ST8SIA4: variants seen among roughly 807,000 people sequenced by gnomAD.
ST8SIA4 encodes the protein CMP-N-acetylneuraminate-poly-alpha-2,8-sialyltransferase.
A neutral mutation model predicts 33.9 loss-of-function variants in ST8SIA4; 15 were observed. The ratio of observed to expected loss-of-function variants is 0.44; its 90% CI spans 0.30 to 0.68. The LOEUF is 0.68. ST8SIA4 is among the 30% of genes least tolerant of loss of function. ST8SIA4 has a pLI of 0.10. For synonymous variants in ST8SIA4, 171 were observed against 151.2 expected (o/e 1.13, Z -0.96); for missense variants, 321 against 428.0 (o/e 0.75, Z 2.21).
chr5:100,814,328 G>C (rs1256342711), intron 4 of ST8SIA4, among the ~76,000 whole-genome samples: 1 of 151,680 alleles, frequency 6.6e-6, no homozygotes, highest in African/African-American at 2.4e-5. Flanking sequence ...AACTTTTTGT[G>C]GTCTTGTTCT....
chr5:100,882,485 A>C (rs1364161965), intron 3 of ST8SIA4, among the ~76,000 whole-genome samples: 1 of 152,238 alleles, frequency 6.6e-6, no homozygotes, highest in Non-Finnish European at 1.5e-5. Context: ...AATGTGATAG[A>C]AAATAAAAAC....
intron 3 of ST8SIA4, chr5:100,885,442 T>C: frequency 4.3e-6 from 4 of 939,592 alleles, no homozygotes; most frequent in Non-Finnish European, 5.1e-6. Flanking sequence ...TATTTAAAAA[T>C]ATTCAAAAAA....
chr5:100,813,724 T>C (rs1580445202), intron 4 of ST8SIA4, among the ~76,000 whole-genome samples: 1 of 152,086 alleles, frequency 6.6e-6, no homozygotes, highest in Non-Finnish European at 1.5e-5. Flanking sequence ...TAACATGAAA[T>C]AATGATTATA....
intron 3 of ST8SIA4, among the ~76,000 whole-genome samples, chr5:100,865,744 T>C (rs1387874803): frequency 6.6e-6 from 1 of 152,156 alleles, no homozygotes; most frequent in Non-Finnish European, 1.5e-5. Flanking sequence ...GTATTCCCCA[T>C]ATCTTCTTGG....
chr5:100,849,515 C>T (rs1035002868), intron 4 of ST8SIA4: 1 of 952,656 alleles, frequency 1.0e-6, no homozygotes, highest in Non-Finnish European at 1.2e-6. Context: ...AGCGCGGTGG[C>T]TCACGCCTGT....
intron 4 of ST8SIA4, among the ~76,000 whole-genome samples, chr5:100,839,674 T>C (rs539687122): frequency 2.0e-5 from 3 of 152,088 alleles, no homozygotes; most frequent in African/African-American, 7.2e-5. Flanking sequence ...TTTCTGAATA[T>C]TATTTTGGCA....
chr5:100,853,214 T>C (rs1751741344), intron 4 of ST8SIA4, among the ~76,000 whole-genome samples: 1 of 152,186 alleles, frequency 6.6e-6, no homozygotes, highest in Non-Finnish European at 1.5e-5. Flanking sequence ...CTTCCTTATT[T>C]TCATTTACAG....
In ST8SIA4 at chr5:100,820,325, C is replaced by T. The variant is rs1383440446; in HGVS notation, c.798-8196G>A. On this transcript the variant is annotated intron_variant, in intron 4 of 4. Transcript: ENST00000231461. The stretch of plus-strand genomic sequence containing the variant: ...ATAACATGCAGCATTTCTCTTCAAT[C>T]GCATTATAGAGCTATTTGGTAAGAT... 2.0e-5 allele frequency among the ~76,000 whole-genome samples: 3 copies of T among 152,074 alleles called. No individual in the cohort carries two copies. The South Asian group carries it at 6.2e-4, about 32-fold the overall frequency.
At position 100,853,973 on chromosome 5, in the gene ST8SIA4, T is replaced by TTG. The variant is rs370881650; in HGVS notation, c.797+2128_797+2129dup. Among the ~76,000 whole-genome samples the TTG allele has an allele frequency of 4.1e-4, 7 of 16,998 alleles. No individual in the cohort carries two copies. The South Asian group carries it at 0.013, about 31-fold the overall frequency. 11.2% of individuals were successfully genotyped at this position (16,998 alleles called of 152,430 possible). A position where few individuals can be genotyped will look rare whatever the true frequency, so the allele number is the denominator to read the frequency against. Reference sequence around the variant, plus strand: ...TTAATCTGCTATCACTGGAATGTGTTTGTGTGTGTGTATGTGTGTGTGTGT... The same window carrying TTG: ...TTAATCTGCTATCACTGGAATGTGTTTGTGTGTGTGTGTATGTGTGTGTGTGT... On this transcript the variant is annotated intron_variant, in intron 4 of 4. Coordinates refer to ENST00000231461, the MANE Select transcript of ST8SIA4 (RefSeq NM_005668.6).
In ST8SIA4 at chr5:100,808,519, C is replaced by T. The variant is rs1750739865; in HGVS notation, c.*3328G>A. On this transcript the variant is annotated 3_prime_UTR_variant, in exon 5 of 5. Transcript: ENST00000231461. ...CCATGGTCTATTCATGTCAACAGCA[C>T]AATAACAACCATGTTCTGTAAAGGA... The T allele has an allele frequency of 6.6e-6, 1 of 152,536 alleles. No individual in the cohort carries two copies. The allele number at this position is 152,536 out of a possible 1,614,324, so 9.4% of individuals were successfully genotyped here.
At chr5:100,891,511 G>A (rs1343899526) in intron 2 of ST8SIA4, among the ~76,000 whole-genome samples, 1 of 151,874 alleles carries the variant, frequency 6.6e-6, no homozygotes, top group African/African-American at 2.4e-5. Flanking sequence ...AGTCCTAGCA[G>A]TTATGGGAAA....
chr5:100,819,519 C>T (rs1172875868), intron 4 of ST8SIA4, among the ~76,000 whole-genome samples: 3 of 152,156 alleles, frequency 2.0e-5, no homozygotes, highest in Non-Finnish European at 4.4e-5. Flanking sequence ...TTTCAAGCTA[C>T]CAACCTGACA....
intron 3 of ST8SIA4, among the ~76,000 whole-genome samples, chr5:100,882,046 A>C (rs1752437203): frequency 6.6e-6 from 1 of 152,194 alleles, no homozygotes; most frequent in Non-Finnish European, 1.5e-5. Flanking sequence ...ATACTCAAAA[A>C]TGTGAAAGCG....
chr5:100,831,669 A>T (rs1017583581), intron 4 of ST8SIA4, among the ~76,000 whole-genome samples: 2 of 151,942 alleles, frequency 1.3e-5, no homozygotes, highest in African/African-American at 4.8e-5. Context: ...CATGAAATTC[A>T]TTTTTCTTTC....
At chr5:100,833,308 G>C (rs967318475) in intron 4 of ST8SIA4, among the ~76,000 whole-genome samples, 5 of 152,010 alleles carry the variant, frequency 3.3e-5, no homozygotes, top group African/African-American at 1.2e-4. Context: ...ATTCATGATT[G>C]ATGACACACA....
chr5:100,849,643 TA>T (rs1358584378), intron 4 of ST8SIA4, among the ~76,000 whole-genome samples: 2 of 148,458 alleles, frequency 1.3e-5, no homozygotes, highest in Non-Finnish European at 3.0e-5. Context: ...AAAAAAAAAT[TA>T]GCCGGGCGTG....
chr5:100,881,439 C>T (rs918675650), intron 3 of ST8SIA4, among the ~76,000 whole-genome samples: 2 of 152,120 alleles, frequency 1.3e-5, no homozygotes, highest in African/African-American at 2.4e-5. Context: ...ACTATGTCAA[C>T]ATTATTCTCA....
At chr5:100,889,632 TA>T (rs1444179987) in intron 2 of ST8SIA4, among the ~76,000 whole-genome samples, 1 of 151,966 alleles carries the variant, frequency 6.6e-6, no homozygotes, top group African/African-American at 2.4e-5. Flanking sequence ...ACATGTCTTT[TA>T]AGTTCCTGAT....
At chr5:100,866,539 T>A (rs1218044298) in intron 3 of ST8SIA4, among the ~76,000 whole-genome samples, 3 of 151,730 alleles carry the variant, frequency 2.0e-5, no homozygotes, top group Non-Finnish European at 2.9e-5. Context: ...TTTTAACACT[T>A]GTAAAGGACT....
Sources: allele counts gnomAD v4.1 joint callset (sites outside exome capture counted in the v4.1 genomes callset), GRCh38; gene constraint gnomAD v4.1.1; transcripts MANE v1.5; gene names NCBI Gene and HGNC (gene_info 2026-07-23, HGNC 2026-07-21).